TCF7L2: variants seen among roughly 807,000 people sequenced by gnomAD.
TCF7L2 encodes transcription factor 7 like 2.
TCF7L2 carries 23 observed loss-of-function variants against 77.9 expected under a neutral mutation model. The observed-to-expected ratio is 0.30, with a 90% CI of 0.21 to 0.42. The LOEUF (loss-of-function observed/expected upper bound fraction) is 0.42. Among genes scored for constraint, TCF7L2 ranks in the 10% least tolerant of loss-of-function variants. The probability of loss-of-function intolerance (pLI) is 1.00; values close to 1 mark genes in which losing one functional copy is unlikely to be tolerated. For synonymous variants in TCF7L2, 413 were observed against 340.2 expected (o/e 1.21, Z -2.36); for missense variants, 654 against 793.1 (o/e 0.82, Z 2.11).
At chr10:113,046,077 A>T (rs1287122516) in intron 5 of TCF7L2, among the ~76,000 whole-genome samples, 1 of 151,998 alleles carries the variant, frequency 6.6e-6, no homozygotes, top group African/African-American at 2.4e-5. Context: ...CAAAGTGTAC[A>T]TGGGGCCATG....
chr10:112,965,615 CTG>C (rs1564720723), intron 4 of TCF7L2, among the ~76,000 whole-genome samples: 2 of 143,912 alleles, frequency 1.4e-5, no homozygotes, highest in South Asian at 2.2e-4. Context: ...GATAACTTGT[CTG>C]TGTGTGTGTA....
At chr10:112,964,778 A>ATGG (rs1375511307) in intron 4 of TCF7L2, among the ~76,000 whole-genome samples, 154 bp downstream of exon 4, 1,324 of 79,770 alleles carry the variant, frequency 0.017, 5 homozygotes, top group Middle Eastern at 0.026. Context: ...GGTGGTGGTG[A>ATGG]TGGTGGTGGT....
At chr10:113,136,298 G>A (rs1350740795) in intron 5 of TCF7L2, among the ~76,000 whole-genome samples, 5 of 152,174 alleles carry the variant, frequency 3.3e-5, no homozygotes, top group Non-Finnish European at 7.3e-5. Context: ...TGCTTCAGGG[G>A]TAGCAGCTGG....
chr10:113,137,078 T>C (rs2067527870), intron 5 of TCF7L2, among the ~76,000 whole-genome samples: 1 of 152,156 alleles, frequency 6.6e-6, no homozygotes, highest in Non-Finnish European at 1.5e-5. Flanking sequence ...ATTGGCATAG[T>C]AAAGTGATGA....
At chr10:112,997,772 G>C (rs547197073) in intron 4 of TCF7L2, among the ~76,000 whole-genome samples, 38 of 152,272 alleles carry the variant, frequency 2.5e-4, no homozygotes, top group Non-Finnish European at 1.8e-4. Flanking sequence ...GTTGGTTTCT[G>C]TTGGGCCTAG....
At position 113,151,919 on chromosome 10, in the gene TCF7L2, CG is replaced by C; in HGVS notation, c.1161+38del. ...GCCCTTCTCAGGGAGAAGCGGGGGG[CG>C]GGTGGTGAGGGACCAGAGTGCAGCA... is the stretch of plus-strand genomic sequence containing the variant. On this transcript the variant is annotated intron_variant, in intron 10 of 13. Coordinates refer to ENST00000627217, the MANE Select transcript of TCF7L2 (RefSeq NM_001146274.2). The surrounding 1 kb of genome is among the most constrained non-coding windows in gnomAD (Gnocchi z 5.2). 1.7e-6 allele frequency: 2 copies of C among 1,208,522 alleles called. No homozygotes were observed. The highest frequency in any genetic ancestry group is 2.6e-5 in the South Asian group (2 of 76,592). The allele number at this position is 1,208,522 out of a possible 1,614,324, so 74.9% of individuals were successfully genotyped here.
intron 5 of TCF7L2, among the ~76,000 whole-genome samples, chr10:113,073,710 AG>A (rs2058368014): frequency 6.6e-6 from 1 of 150,914 alleles, no homozygotes; most frequent in African/African-American, 2.4e-5. Flanking sequence ...AAAAAAACAA[AG>A]GTCACAAGAC....
intron 4 of TCF7L2, among the ~76,000 whole-genome samples, chr10:112,993,578 T>A (rs2042969885): frequency 6.6e-6 from 1 of 152,144 alleles, no homozygotes; most frequent in Non-Finnish European, 1.5e-5. Context: ...TGGGCCTCTG[T>A]ACCTAGGTTG....
intron 5 of TCF7L2, among the ~76,000 whole-genome samples, chr10:113,103,648 G>C (rs145980656): frequency 9.2e-5 from 14 of 152,026 alleles, no homozygotes; most frequent in Admixed American, 3.3e-4. Context: ...TGATAGGAGG[G>C]GTTACAATGC....
intron 13 of TCF7L2, among the ~76,000 whole-genome samples, chr10:113,164,734 C>CT (rs1350049186): frequency 1.3e-5 from 2 of 151,782 alleles, no homozygotes; most frequent in Non-Finnish European, 2.9e-5. Flanking sequence ...TTATCCTCTT[C>CT]TACCTGTTTT....
chr10:113,165,594 C>T lies in TCF7L2; in HGVS notation c.1431C>T (p.Gly477=), dbSNP rs1564994285. Reference sequence around the variant, plus strand: ...GCGTTCGCTACATACAAGGTGAAGGCAGCTGCCTCAGCCCACCCTCTTCAG... The same window carrying T: ...GCGTTCGCTACATACAAGGTGAAGGTAGCTGCCTCAGCCCACCCTCTTCAG... The change falls in exon 14 of 14, where the codon GGC becomes GGT. Residue 477 remains glycine (G), a synonymous_variant. Transcript: ENST00000627217. 1.2e-6 allele frequency: 2 copies of T among 1,614,066 alleles called. No homozygotes were observed. Among genetic ancestry groups the T allele is most frequent in the South Asian group, 1.1e-5 (1 of 91,066 alleles).
intron 4 of TCF7L2, among the ~76,000 whole-genome samples, chr10:112,996,855 G>A (rs1265997664): frequency 6.6e-6 from 1 of 152,240 alleles, no homozygotes; most frequent in Non-Finnish European, 1.5e-5. Flanking sequence ...GGGGGACCTT[G>A]CAAGGGCATT....
intron 5 of TCF7L2, among the ~76,000 whole-genome samples, chr10:113,097,545 C>T (rs1315894496): frequency 4.8e-5 from 7 of 145,842 alleles, no homozygotes; most frequent in Admixed American, 7.0e-5. Context: ...CCCAGCTCCT[C>T]GGGAGGCCGA....
At chr10:113,141,387 A>G in intron 6 of TCF7L2, 71 bp downstream of exon 6, 2 of 1,601,858 alleles carry the variant, frequency 1.2e-6, no homozygotes, top group Non-Finnish European at 1.7e-6. Context: ...TGAGGCCTCC[A>G]CAGGAACCCC....
intron 6 of TCF7L2, among the ~76,000 whole-genome samples, chr10:113,141,802 A>G (rs1206407903): frequency 1.3e-5 from 2 of 152,160 alleles, no homozygotes; most frequent in Non-Finnish European, 2.9e-5. Flanking sequence ...TTGTTGGTAT[A>G]GCCTCAAAAA....
At chr10:113,069,150 C>T (rs866329121) in intron 5 of TCF7L2, among the ~76,000 whole-genome samples, 1 of 151,782 alleles carries the variant, frequency 6.6e-6, no homozygotes, top group Non-Finnish European at 1.5e-5. Flanking sequence ...GGTACGCCCC[C>T]TTGGAAGGGG....
chr10:113,110,821 T>C (rs191799786), intron 5 of TCF7L2, among the ~76,000 whole-genome samples: 1 of 152,320 alleles, frequency 6.6e-6, no homozygotes, highest in Admixed American at 6.5e-5. Flanking sequence ...GAGCAATCCC[T>C]GAGTGCCCGT....
chr10:113,122,571 G>A (rs930359233), intron 5 of TCF7L2, among the ~76,000 whole-genome samples: 2 of 152,188 alleles, frequency 1.3e-5, no homozygotes, highest in African/African-American at 2.4e-5. Flanking sequence ...CAACTTAACC[G>A]TGGGTTTGTG....
chr10:113,031,206 T>C (rs990564520), intron 4 of TCF7L2, among the ~76,000 whole-genome samples: 2 of 152,258 alleles, frequency 1.3e-5, no homozygotes, highest in Admixed American at 1.3e-4. Context: ...ATTATTGGCT[T>C]TGACCACCTA....
Sources: allele counts gnomAD v4.1 joint callset (sites outside exome capture counted in the v4.1 genomes callset), GRCh38; gene constraint gnomAD v4.1.1; non-coding constraint Gnocchi (gnomAD v3.1); transcripts MANE v1.5; gene names NCBI Gene and HGNC (gene_info 2026-07-23, HGNC 2026-07-21).